The following TNFRSF10B variants were observed in gnomAD, a reference collection of about 807,000 sequenced individuals.
TNFRSF10B encodes tumor necrosis factor receptor superfamily member 10B.
Under a neutral mutation model 41.4 loss-of-function variants are expected in TNFRSF10B, and 35 were observed. That is an observed-to-expected ratio of 0.85 (90% CI 0.65 to 1.12). The LOEUF (loss-of-function observed/expected upper bound fraction) is 1.12. Among genes scored for constraint, TNFRSF10B ranks in the 50% most tolerant of loss-of-function variants. The pLI, the probability that TNFRSF10B is intolerant of heterozygous loss-of-function variation, is 0.00. For missense variants in TNFRSF10B, 584 were observed against 552.7 expected, an observed-to-expected ratio of 1.06 and a Z score of -0.57; for synonymous variants, 230 against 215.5, an observed-to-expected ratio of 1.07 and a Z score of -0.59.
At chr8:23,029,547 C>T in intron 4 of TNFRSF10B, 63 bp downstream of exon 4, 3 of 1,498,114 alleles carry the variant, frequency 2.0e-6, no homozygotes, top group Non-Finnish European at 2.7e-6. Flanking sequence ...GACAGGGGTA[C>T]AAGGAGACTT....
Position 23,022,998 on chromosome 8 carries a change from C to G in TNFRSF10B, c.1010-14G>C. On this transcript the variant is annotated splice_polypyrimidine_tract_variant and intron_variant, in intron 8 of 8. Coordinates refer to ENST00000276431, the MANE Select transcript of TNFRSF10B (RefSeq NM_003842.5). ...ACTGTCTCAGAGCTGGTGGAGAAAG[C>G]CACAGAGACAGCCAGGTGAGTTGGG... 1 of 1,608,174 alleles carries G rather than the reference C, an allele frequency of 6.2e-7. No homozygotes were observed. The highest frequency in any genetic ancestry group is 8.5e-7 in the Non-Finnish European group (1 of 1,179,948).
intron 2 of TNFRSF10B, among the ~76,000 whole-genome samples, chr8:23,041,455 C>T (rs768600629): frequency 2.0e-5 from 3 of 151,974 alleles, no homozygotes; most frequent in Admixed American, 1.3e-4. Context: ...TCGCTTGAGC[C>T]CAAGTGGTTG....
At chr8:23,050,003 C>G (rs1045318339) in intron 1 of TNFRSF10B, 1 of 151,678 alleles carries the variant, frequency 6.6e-6, no homozygotes, top group Non-Finnish European at 1.5e-5. Context: ...CCAGGGGACC[C>G]TCCAGAGGGC....
chr8:23,054,935 A>T (rs4463421), intron 1 of TNFRSF10B, among the ~76,000 whole-genome samples: 36,765 of 152,048 alleles, frequency 0.24, 4,747 homozygotes, highest in Non-Finnish European at 0.28. Context: ...AATAAAGCAA[A>T]CCAGTCCTAC....
intron 6 of TNFRSF10B, 32 bp downstream of exon 6, chr8:23,027,690 T>TGAGC (rs780963164): frequency 9.9e-6 from 16 of 1,613,772 alleles, no homozygotes; most frequent in Non-Finnish European, 1.3e-5. Flanking sequence ...CCTGAACCCC[T>TGAGC]GAGCCCCCAG....
intron 1 of TNFRSF10B, among the ~76,000 whole-genome samples, chr8:23,064,016 C>T (rs902057148): frequency 1.2e-4 from 18 of 152,204 alleles, no homozygotes; most frequent in Non-Finnish European, 2.9e-5. Context: ...TCATGGAAGG[C>T]ATGTAGGCGC....
chr8:23,031,611 T>C (rs1012396473), intron 2 of TNFRSF10B, among the ~76,000 whole-genome samples: 3 of 151,788 alleles, frequency 2.0e-5, no homozygotes, highest in African/African-American at 7.3e-5. Context: ...CCTAGGCTGG[T>C]CTCAAACTCC....
chr8:23,039,120 A>G (rs985925368), intron 2 of TNFRSF10B, among the ~76,000 whole-genome samples: 1 of 151,746 alleles, frequency 6.6e-6, no homozygotes, highest in African/African-American at 2.4e-5. Context: ...TGCGCAACCT[A>G]GATCTCTCAA....
Position 23,020,845 on chromosome 8 carries a change from C to T in TNFRSF10B, c.*1826G>A. 1 of 454,098 alleles carries T rather than the reference C, an allele frequency of 2.2e-6. No homozygotes were observed. Among genetic ancestry groups the T allele is most frequent in the South Asian group, 1.6e-5 (1 of 64,474 alleles). 28.1% of individuals were successfully genotyped at this position (454,098 alleles called of 1,614,324 possible). On this transcript the variant is annotated 3_prime_UTR_variant, in exon 9 of 9. Transcript: ENST00000276431. ...GGCTGAGCGTCCTGCACAGAAGGCC[C>T]AGCAAAGGCAAAGACCAGGAGGCAG...
chr8:23,037,775 G>T (rs1462524244), intron 2 of TNFRSF10B, among the ~76,000 whole-genome samples: 1 of 152,186 alleles, frequency 6.6e-6, no homozygotes, highest in African/African-American at 2.4e-5. Context: ...AGGTTCTCCA[G>T]GAGACTGTCT....
rs1811729237 is a variant in TNFRSF10B, at chr8:23,027,228, G to T, written c.841C>A (p.Pro281Thr). The T allele has an allele frequency of 6.2e-7, 1 of 1,614,050 alleles. No homozygotes were observed. Among genetic ancestry groups the T allele is most frequent in the African/African-American group, 1.3e-5 (1 of 74,906 alleles). The stretch of plus-strand genomic sequence containing the variant: ...ATTTCCTGCTCAGGGACCTGGGTGG[G>T]CTGCAAGATACTCACGATCTCATTG... ...VLNEIVSILQPTQVPEQEMEV... is the reference protein window; with the variant it reads ...VLNEIVSILQTTQVPEQEMEV... Residue 281 changes from proline to threonine, a missense_variant, in exon 7 of 9, where the codon CCC becomes ACC. Physicochemically the swap from Pro to Thr is conservative, Grantham distance 38. Coordinates refer to ENST00000276431, the MANE Select transcript of TNFRSF10B (RefSeq NM_003842.5).
At chr8:23,044,241 C>T (rs1221821168) in intron 1 of TNFRSF10B, among the ~76,000 whole-genome samples, 1 of 152,156 alleles carries the variant, frequency 6.6e-6, no homozygotes, top group Non-Finnish European at 1.5e-5. Context: ...AGGAACTATT[C>T]TTCCTGACCT....
Position 23,043,149 on chromosome 8 carries a change from A to G in TNFRSF10B, c.239T>C (p.Leu80Ser), listed in dbSNP as rs1812256189. Residue 80 changes from leucine (L) to serine (S), a missense_variant, in exon 2 of 9, where the codon TTG becomes TCG. By Grantham distance (145) the Leu-to-Ser change is moderately radical. Transcript: ENST00000276431. The part of the protein sequence containing the change: ...QQKRSSPSEG[L>S]CPPGHHISED... ...CATCTTGAACATACCAGGTGGACAC[A>G]ATCCCTCTGAGGGGCTGGACCTCTT... 1 of 1,614,118 alleles carries G rather than the reference A, an allele frequency of 6.2e-7. No homozygotes were observed. The highest frequency in any genetic ancestry group is 8.5e-7 in the Non-Finnish European group (1 of 1,179,988).
At chr8:23,031,744 G>A (rs1428922018) in intron 2 of TNFRSF10B, among the ~76,000 whole-genome samples, 1 of 151,764 alleles carries the variant, frequency 6.6e-6, no homozygotes, top group South Asian at 2.1e-4. Flanking sequence ...AGGTGAGAAG[G>A]GGTGAAATTA....
At chr8:23,058,864 T>A (rs531976462) in intron 1 of TNFRSF10B, among the ~76,000 whole-genome samples, 66 of 152,326 alleles carry the variant, frequency 4.3e-4, no homozygotes, top group Non-Finnish European at 7.2e-4. Context: ...GCTGTTTTTT[T>A]AAATCTAAAA....
At chr8:23,052,801 G>T (rs574808974) in intron 1 of TNFRSF10B, among the ~76,000 whole-genome samples, 67 of 152,302 alleles carry the variant, frequency 4.4e-4, no homozygotes, top group South Asian at 1.7e-3. Flanking sequence ...GTCATAAAAT[G>T]CTTCTTTGAC....
Position 23,029,674 on chromosome 8 carries a change from G to A in TNFRSF10B, c.412C>T (p.Gln138Ter). The A allele has an allele frequency of 6.2e-7, 1 of 1,614,038 alleles. No homozygotes were observed. Among genetic ancestry groups the A allele is most frequent in the Non-Finnish European group, 8.5e-7 (1 of 1,179,984 alleles). ...PCTTTRNTVC[Q>*]CEEGTFREED... is the part of the protein sequence containing the mutation. Reference sequence around the variant, plus strand: ...TCCCGGAAGGTGCCTTCTTCGCACTGACACACTGTGTTTCTGGTCGTGGTG... The same window carrying A: ...TCCCGGAAGGTGCCTTCTTCGCACTAACACACTGTGTTTCTGGTCGTGGTG... Residue 138 changes from glutamine (Q) to a stop codon, truncating the protein, a stop_gained, in exon 4 of 9, where the codon CAG (glutamine) becomes TAG (stop). Transcript: ENST00000276431. LOFTEE classifies it high-confidence loss of function.
Position 23,050,469 on chromosome 8 carries a change from T to TGC in TNFRSF10B, c.145-7228_145-7227dup, listed in dbSNP as rs1383350909. ...ATGTGTATGTGCATATGTGTGTGTG[T>TGC]GCGCACGGGGGCGTGAAGGCCTTTA... On this transcript the variant is annotated intron_variant, in intron 1 of 8. Coordinates refer to ENST00000276431, the MANE Select transcript of TNFRSF10B (RefSeq NM_003842.5). Among the ~76,000 whole-genome samples the TGC allele has an allele frequency of 7.2e-5, 11 of 152,338 alleles. No homozygotes were observed. The South Asian group carries it at 1.0e-3, about 14-fold the overall frequency.
intron 1 of TNFRSF10B, among the ~76,000 whole-genome samples, chr8:23,045,558 G>C (rs1225659222): frequency 1.3e-5 from 2 of 152,148 alleles, no homozygotes; most frequent in Non-Finnish European, 1.5e-5. Context: ...ATAAATTACA[G>C]AGGAGGGACT....
Sources: gnomAD v4.1 joint callset for allele counts (sites outside exome capture counted in the v4.1 genomes callset) on GRCh38, gnomAD v4.1.1 for gene constraint, MANE v1.5 for transcripts, NCBI Gene and HGNC (gene_info 2026-07-23, HGNC 2026-07-21) for gene names.